Variants in GNG2 observed in about 807,000 individuals in gnomAD.
GNG2 encodes the protein guanine nucleotide-binding protein G(I)/G(S)/G(O) subunit gamma-2.
A neutral mutation model predicts 5.5 loss-of-function variants in GNG2; 5 were observed. The observed-to-expected ratio is 0.91, with a 90% CI of 0.48 to 1.92. GNG2 has a LOEUF of 1.92. GNG2 is among the 30% of genes most tolerant of loss of function. GNG2 has a pLI of 0.01. For synonymous variants in GNG2, 28 were observed against 32.0 expected (o/e 0.88, Z 0.42); for missense variants, 55 against 88.4 (o/e 0.62, Z 1.52).
At chr14:51,954,187 T>G (rs1186538587) in intron 3 of GNG2, among the ~76,000 whole-genome samples, 1 of 152,194 alleles carries the variant, frequency 6.6e-6, no homozygotes, top group Middle Eastern at 3.2e-3. Context: ...CCTGGGAGAT[T>G]TGGGCTAAGT....
At chr14:51,951,992 C>A (rs1179104992) in intron 3 of GNG2, 8 of 664,646 alleles carry the variant, frequency 1.2e-5, no homozygotes, top group Non-Finnish European at 1.9e-5. Context: ...CACACCCAAA[C>A]CAATTAAATT....
intron 2 of GNG2, among the ~76,000 whole-genome samples, chr14:51,846,752 C>T (rs777826843): frequency 6.6e-6 from 1 of 152,172 alleles, no homozygotes; most frequent in Non-Finnish European, 1.5e-5. Flanking sequence ...CCCCTTTTTC[C>T]AGTCTTCCCT....
At chr14:51,923,183 G>T (rs943097115) in intron 2 of GNG2, among the ~76,000 whole-genome samples, 8 of 152,180 alleles carry the variant, frequency 5.3e-5, no homozygotes, top group South Asian at 2.1e-4. Context: ...GCGAATTGCT[G>T]CCATGATAAG....
At chr14:51,926,694 G>T (rs1620540) in intron 2 of GNG2, among the ~76,000 whole-genome samples, 23,147 of 151,954 alleles carry the variant, frequency 0.15, 3,241 homozygotes, top group African/African-American at 0.35. Flanking sequence ...TTCCGGTGTG[G>T]AACCTGGGAT....
intron 2 of GNG2, among the ~76,000 whole-genome samples, chr14:51,831,475 G>A (rs1207258176): frequency 2.0e-5 from 3 of 152,152 alleles, no homozygotes; most frequent in Non-Finnish European, 2.9e-5. Context: ...GGACAGCAAG[G>A]GGGACAGCCT....
intron 2 of GNG2, among the ~76,000 whole-genome samples, chr14:51,919,598 T>C (rs919964148): frequency 4.6e-5 from 7 of 152,360 alleles, no homozygotes; most frequent in African/African-American, 1.7e-4. Flanking sequence ...GATTACGGTT[T>C]GACAACATAA....
upstream of GNG2, among the ~76,000 whole-genome samples, chr14:51,857,990 T>C (rs1031582884): frequency 6.6e-6 from 1 of 152,212 alleles, no homozygotes; most frequent in South Asian, 2.1e-4. Flanking sequence ...TACCAGTAGA[T>C]GTAAGAAATA....
chr14:51,933,585 T>A (rs1293133073), intron 2 of GNG2, among the ~76,000 whole-genome samples: 1 of 152,156 alleles, frequency 6.6e-6, no homozygotes, highest in African/African-American at 2.4e-5. Flanking sequence ...GGAGACAAAA[T>A]TAATGATGCC....
intron 2 of GNG2, among the ~76,000 whole-genome samples, chr14:51,846,163 A>G (rs183421488): frequency 6.6e-6 from 1 of 152,352 alleles, no homozygotes; most frequent in Admixed American, 6.5e-5. Flanking sequence ...AAAAGGAAAA[A>G]CAGATTAATT....
chr14:51,854,738 C>T (rs549683097), intron 2 of GNG2, among the ~76,000 whole-genome samples: 2 of 152,212 alleles, frequency 1.3e-5, no homozygotes, highest in East Asian at 3.9e-4. Context: ...CTCTCAAACC[C>T]CTGACCTCAA....
At chr14:51,920,396 T>A (rs1211750309) in intron 2 of GNG2, among the ~76,000 whole-genome samples, 2 of 150,428 alleles carry the variant, frequency 1.3e-5, no homozygotes, top group Middle Eastern at 3.2e-3. Flanking sequence ...ACAATATAAG[T>A]AAATAGTTAT....
chr14:51,966,734 T>C lies in GNG2; in HGVS notation c.*47T>C, dbSNP rs1409303861. 15 of 1,578,624 alleles carry C rather than the reference T, an allele frequency of 9.5e-6. No individual in the cohort carries two copies. Among genetic ancestry groups the C allele is most frequent in the Non-Finnish European group, 1.3e-5 (15 of 1,148,728 alleles). Reference sequence around the variant, plus strand: ...AGCCTCCGGGCTCCTGGGACATTGATGTAGAGTTTTTAGTGAAGTGGGCAC... The same window carrying C: ...AGCCTCCGGGCTCCTGGGACATTGACGTAGAGTTTTTAGTGAAGTGGGCAC... On this transcript the variant is annotated 3_prime_UTR_variant, in exon 4 of 4. Coordinates refer to ENST00000556766, the MANE Select transcript of GNG2 (RefSeq NM_053064.5).
At position 51,966,818 on chromosome 14, in the gene GNG2, A is replaced by C; in HGVS notation, c.*131A>C. 1 of 732,700 alleles carries C rather than the reference A, an allele frequency of 1.4e-6. No individual in the cohort carries two copies. The highest frequency in any genetic ancestry group is 2.3e-6 in the Non-Finnish European group (1 of 434,904). The allele number at this position is 732,700 out of a possible 1,614,324, so 45.4% of individuals were successfully genotyped here. On this transcript the variant is annotated 3_prime_UTR_variant, in exon 4 of 4. Transcript: ENST00000556766. ...AGAACCATTCTGGAAACTCTAGGCT[A>C]TGCATGTTTAAAGATCTGGTCCCCT...
chr14:51,852,041 AG>A lies in GNG2; in HGVS notation c.64+24237del, dbSNP rs200885684. Among the ~76,000 whole-genome samples, 6 of 22,442 alleles carry A rather than the reference AG, an allele frequency of 2.7e-4. No homozygotes were observed. In the Non-Finnish European group the frequency reaches 6.1e-3, roughly 23 times the overall value. 14.7% of individuals were successfully genotyped at this position (22,442 alleles called of 152,430 possible). A position where few individuals can be genotyped will look rare whatever the true frequency, so the allele number is the denominator to read the frequency against. ...TTCTAGATGTAAAAATTTAGCAGTG[AG>A]GGTGTACGTAAATATTTTAACGGTA... On this transcript the variant is annotated intron_variant, in intron 2 of 3. Coordinates refer to the GNG2 transcript ENST00000553432.
intron 2 of GNG2, among the ~76,000 whole-genome samples, chr14:51,933,272 T>C (rs1181074726): frequency 1.3e-5 from 2 of 152,120 alleles, no homozygotes; most frequent in African/African-American, 2.4e-5. Context: ...GAAGTGATCA[T>C]TGGATTTGGC....
chr14:51,898,939 C>G lies in GNG2; in HGVS notation c.-30+21282C>G, dbSNP rs528222924. ...AAGACCATAAGATTCTGGTGTATTT[C>G]CCTTCAGCAGCAGTGAGGAAAGATG... On this transcript the variant is annotated intron_variant, in intron 2 of 3. Coordinates refer to ENST00000556766, the MANE Select transcript of GNG2 (RefSeq NM_053064.5). 2.0e-5 allele frequency among the ~76,000 whole-genome samples: 3 copies of G among 152,296 alleles called. No individual in the cohort carries two copies. The South Asian group carries it at 6.2e-4, about 32-fold the overall frequency.
chr14:51,873,188 C>T (rs1442169847), intron 1 of GNG2, among the ~76,000 whole-genome samples: 2 of 152,154 alleles, frequency 1.3e-5, no homozygotes, highest in Non-Finnish European at 2.9e-5. Context: ...CTTCATCACA[C>T]CAGTTATGAT....
chr14:51,968,744 C>G lies in GNG2; in HGVS notation c.*2057C>G, dbSNP rs1222230832. 2 of 152,200 alleles carry G rather than the reference C, an allele frequency of 1.3e-5. No homozygotes were observed. The highest frequency in any genetic ancestry group is 4.8e-5 in the African/African-American group (2 of 41,432). The allele number at this position is 152,200 out of a possible 1,614,324, so 9.4% of individuals were successfully genotyped here. On this transcript the variant is annotated 3_prime_UTR_variant, in exon 4 of 4. Coordinates refer to ENST00000556766, the MANE Select transcript of GNG2 (RefSeq NM_053064.5). ...ATCACAGTTTTTACATGGGCCAAAA[C>G]ATGAATTGAGTATGTGGTCACATGA... is the stretch of plus-strand genomic sequence containing the variant.
intron 2 of GNG2, among the ~76,000 whole-genome samples, chr14:51,880,988 A>G (rs1336517051): frequency 6.7e-6 from 1 of 148,504 alleles, no homozygotes; most frequent in African/African-American, 2.5e-5. Context: ...AAAAAAAAAA[A>G]CCCTGAGATT....
Sources: gnomAD v4.1 joint callset for allele counts (sites outside exome capture counted in the v4.1 genomes callset) on GRCh38, gnomAD v4.1.1 for gene constraint, MANE v1.5 for transcripts, NCBI Gene and HGNC (gene_info 2026-07-23, HGNC 2026-07-21) for gene names.